Variants in NELL2 observed in about 807,000 individuals in gnomAD.
NELL2 encodes the protein neural EGFL like 2, also known as protein kinase C-binding protein NELL2.
NELL2 carries 41 observed loss-of-function variants against 109.6 expected under a neutral mutation model. The observed-to-expected ratio is 0.37, with a 90% CI of 0.29 to 0.49. NELL2 has a LOEUF of 0.49. NELL2 is among the 20% of genes least tolerant of loss of function. NELL2 has a pLI of 0.98. For missense variants in NELL2, 900 were observed against 1,008.3 expected (o/e 0.89, Z 1.45); for synonymous variants, 355 against 344.7 (o/e 1.03, Z -0.33).
rs182166190 is a variant in NELL2, at chr12:44,647,713, C to T, written c.1444+17771G>A. ...CAAGTGGGAGCTGTTTGTTAAGCAA[C>T]AGAAGGTGAATAGAATTTCAATAAG... On this transcript the variant is annotated intron_variant, in intron 13 of 19. Coordinates refer to ENST00000429094, the MANE Select transcript of NELL2 (RefSeq NM_001145108.2). Among the ~76,000 whole-genome samples, 260 of 151,118 alleles carry T rather than the reference C, an allele frequency of 1.7e-3. 1 individual carries two copies. The highest frequency in any genetic ancestry group is 2.0e-3 in the Non-Finnish European group (137 of 67,928).
At chr12:44,513,592 G>A (rs1162545781) in intron 19 of NELL2, among the ~76,000 whole-genome samples, 2 of 151,872 alleles carry the variant, frequency 1.3e-5, no homozygotes, top group Non-Finnish European at 2.9e-5. Context: ...TAAAAATTAA[G>A]TGGAAATTCT....
chr12:44,899,305 A>G (rs1468680201), intron 1 of NELL2, among the ~76,000 whole-genome samples: 2 of 152,200 alleles, frequency 1.3e-5, no homozygotes, highest in Admixed American at 6.5e-5. Context: ...CCAAAGACAC[A>G]TAATTGTCAG....
Position 44,752,153 on chromosome 12 carries a change from A to G in NELL2, c.994+22594T>C, listed in dbSNP as rs1940680201. On this transcript the variant is annotated intron_variant, in intron 9 of 19. Transcript: ENST00000429094. ...TCTACTTTACACACATTTCTATAAAACACTGGCTACTCTTGAATTGATTCA... is the reference window on the plus strand; with the variant it reads ...TCTACTTTACACACATTTCTATAAAGCACTGGCTACTCTTGAATTGATTCA... Among the ~76,000 whole-genome samples the G allele has an allele frequency of 3.3e-5, 5 of 152,354 alleles. No individual in the cohort carries two copies. The South Asian group carries it at 1.0e-3, about 32-fold the overall frequency.
chr12:44,815,062 G>C (rs1479587567), intron 3 of NELL2, among the ~76,000 whole-genome samples: 6 of 152,168 alleles, frequency 3.9e-5, no homozygotes, highest in African/African-American at 1.4e-4. Context: ...TCCACAGATA[G>C]TAAGTGGTGG....
chr12:44,818,567 C>T (rs1943430679), intron 2 of NELL2, among the ~76,000 whole-genome samples: 1 of 152,072 alleles, frequency 6.6e-6, no homozygotes, highest in Non-Finnish European at 1.5e-5. Context: ...AGCTGCCTTA[C>T]AAGATGAAAC....
intron 15 of NELL2, among the ~76,000 whole-genome samples, chr12:44,550,469 G>A (rs1046723397): frequency 1.3e-5 from 2 of 148,766 alleles, no homozygotes; most frequent in East Asian, 2.0e-4. Flanking sequence ...GCTTAAACCC[G>A]AGAGGTAGAG....
intron 9 of NELL2, among the ~76,000 whole-genome samples, chr12:44,741,509 G>A (rs1043064847): frequency 3.3e-5 from 5 of 152,198 alleles, no homozygotes; most frequent in African/African-American, 4.8e-5. Context: ...GCGAGGCATC[G>A]CCTCACCCGG....
chr12:44,545,591 A>G (rs1377236213), intron 15 of NELL2, among the ~76,000 whole-genome samples: 7 of 152,104 alleles, frequency 4.6e-5, no homozygotes, highest in Non-Finnish European at 1.0e-4. Context: ...CTCACTTTAA[A>G]GCTCAGTTCA....
intron 12 of NELL2, among the ~76,000 whole-genome samples, chr12:44,680,970 C>T (rs1357578188): frequency 6.6e-6 from 1 of 152,036 alleles, no homozygotes; most frequent in Non-Finnish European, 1.5e-5. Context: ...ATGATGTCAG[C>T]ACTATTTAAT....
chr12:44,795,221 C>T (rs942471432), intron 3 of NELL2, among the ~76,000 whole-genome samples: 4 of 152,182 alleles, frequency 2.6e-5, no homozygotes, highest in African/African-American at 9.6e-5. Context: ...CATCTCAGTA[C>T]ATTAAGCTAC....
At chr12:44,871,753 C>A (rs1189943951) in intron 2 of NELL2, among the ~76,000 whole-genome samples, 2 of 152,218 alleles carry the variant, frequency 1.3e-5, no homozygotes, top group African/African-American at 4.8e-5. Flanking sequence ...CTGCGTAACA[C>A]TGGCATAAGA....
intron 12 of NELL2, among the ~76,000 whole-genome samples, chr12:44,686,379 A>G (rs1948716906): frequency 6.6e-6 from 1 of 152,120 alleles, no homozygotes; most frequent in Non-Finnish European, 1.5e-5. Context: ...CGTAGCTCGG[A>G]GTAATTTGAT....
chr12:44,820,619 A>AAG (rs1555222881), intron 2 of NELL2, among the ~76,000 whole-genome samples: 7 of 151,014 alleles, frequency 4.6e-5, no homozygotes, highest in Non-Finnish European at 8.9e-5. Context: ...AAAAAAAAAA[A>AAG]AAAGAAAAAG....
upstream of NELL2, chr12:44,881,040 G>GT (rs1252510717): frequency 3.9e-5 from 6 of 151,996 alleles, no homozygotes; most frequent in African/African-American, 1.5e-4. Context: ...TGGCCTCTGT[G>GT]TTGCACAGTT....
At chr12:44,794,453 G>A (rs549300058) in intron 3 of NELL2, among the ~76,000 whole-genome samples, 11 of 152,176 alleles carry the variant, frequency 7.2e-5, no homozygotes, top group African/African-American at 2.4e-4. Context: ...CTGATGCAGC[G>A]CAGCAAGGAA....
chr12:44,918,210 A>C (rs1395008937), upstream of NELL2, among the ~76,000 whole-genome samples: 2 of 152,174 alleles, frequency 1.3e-5, no homozygotes, highest in Non-Finnish European at 2.9e-5. Flanking sequence ...ATTTACATTA[A>C]ATTTGACTTT....
intron 15 of NELL2, among the ~76,000 whole-genome samples, chr12:44,540,319 T>G (rs1027297439): frequency 6.6e-6 from 1 of 152,168 alleles, no homozygotes; most frequent in Non-Finnish European, 1.5e-5. Context: ...ATTTTTGTAT[T>G]TTCTTGGAAA....
At chr12:44,549,740 A>G (rs1209027928) in intron 15 of NELL2, among the ~76,000 whole-genome samples, 1 of 152,206 alleles carries the variant, frequency 6.6e-6, no homozygotes, top group Non-Finnish European at 1.5e-5. Context: ...GAAATTAATT[A>G]AAGTAGATAT....
chr12:44,587,284 A>AAAAAAAAAAAAAAAAAAAAT, intron 15 of NELL2, among the ~76,000 whole-genome samples: 1 of 72,206 alleles, frequency 1.4e-5, no homozygotes, highest in African/African-American at 5.1e-5. Context: ...AAAAAAAAAA[A>AAAAAAAAAAAAAAAAAAAAT]ATATATATAT....
Sources: allele counts gnomAD v4.1 joint callset (sites outside exome capture counted in the v4.1 genomes callset), GRCh38; gene constraint gnomAD v4.1.1; transcripts MANE v1.5; gene names NCBI Gene and HGNC (gene_info 2026-07-23, HGNC 2026-07-21).